The following LRFN5 variants were observed in gnomAD, a reference collection of about 807,000 sequenced individuals.
LRFN5 encodes leucine-rich repeat and fibronectin type-III domain-containing protein 5.
A neutral mutation model predicts 45.6 loss-of-function variants in LRFN5; 24 were observed. The observed-to-expected ratio is 0.53, with a 90% CI of 0.38 to 0.74. LRFN5 has a LOEUF of 0.74. Ranked by LOEUF, LRFN5 falls within the 30% of genes least tolerant of loss-of-function variation. LRFN5 has a pLI of 0.00. For synonymous variants in LRFN5, 340 were observed against 313.8 expected (o/e 1.08, Z -0.88); for missense variants, 776 against 861.5 (o/e 0.90, Z 1.24).
intron 2 of LRFN5, among the ~76,000 whole-genome samples, chr14:41,827,066 T>G (rs1888324365): frequency 6.6e-6 from 1 of 152,042 alleles, no homozygotes; most frequent in Non-Finnish European, 1.5e-5. Context: ...CCTTACCTAA[T>G]TCAAAAATCT....
chr14:41,841,243 T>G (rs1011059602), intron 2 of LRFN5, among the ~76,000 whole-genome samples: 2 of 151,936 alleles, frequency 1.3e-5, no homozygotes, highest in African/African-American at 4.8e-5. Flanking sequence ...GGACATTATC[T>G]GTTACTATCC....
At chr14:41,801,537 G>A (rs557211901) in intron 2 of LRFN5, among the ~76,000 whole-genome samples, 3 of 152,202 alleles carry the variant, frequency 2.0e-5, no homozygotes, top group Admixed American at 6.6e-5. Context: ...AGTTACTCTA[G>A]AGTAAAGATT....
chr14:41,631,122 C>T (rs1888518128), intron 1 of LRFN5, among the ~76,000 whole-genome samples: 1 of 152,172 alleles, frequency 6.6e-6, no homozygotes, highest in South Asian at 2.1e-4. Flanking sequence ...TAAACTCAAA[C>T]TTGCTCTCTG....
intron 2 of LRFN5, among the ~76,000 whole-genome samples, chr14:41,835,091 C>T (rs1207821623): frequency 6.6e-6 from 1 of 151,224 alleles, no homozygotes; most frequent in East Asian, 1.9e-4. Flanking sequence ...ATTATATATT[C>T]TTATTTCTTG....
intron 2 of LRFN5, among the ~76,000 whole-genome samples, chr14:41,843,854 T>G (rs998231231): frequency 6.6e-6 from 1 of 152,182 alleles, no homozygotes; most frequent in African/African-American, 2.4e-5. Context: ...TAAACACACA[T>G]GTTCATAAAC....
Position 41,904,337 on chromosome 14 carries a change from CT to C in LRFN5, c.*163del, listed in dbSNP as rs1327952082. 2.8e-5 allele frequency: 23 copies of C among 834,040 alleles called. No homozygotes were observed. The highest frequency in any genetic ancestry group is 4.4e-5 in the Non-Finnish European group (23 of 520,844). 51.7% of individuals were successfully genotyped at this position (834,040 alleles called of 1,614,324 possible). Reference sequence around the variant, plus strand: ...GTGAAAGTCTCTGATGACGGCGGAACTGGCTCCATTAGACCATGGTTCATCC... The same window carrying C: ...GTGAAAGTCTCTGATGACGGCGGAACGGCTCCATTAGACCATGGTTCATCC... On this transcript the variant is annotated 3_prime_UTR_variant, in exon 6 of 6. Transcript: ENST00000298119.
chr14:41,866,381 G>C (rs952358534), intron 2 of LRFN5, among the ~76,000 whole-genome samples: 3 of 152,094 alleles, frequency 2.0e-5, no homozygotes, highest in African/African-American at 7.2e-5. Context: ...CAGCTGAGGA[G>C]CAAGTCTAGG....
At chr14:41,708,400 A>C (rs1883151209) in intron 1 of LRFN5, among the ~76,000 whole-genome samples, 1 of 151,990 alleles carries the variant, frequency 6.6e-6, no homozygotes, top group Non-Finnish European at 1.5e-5. Flanking sequence ...TTGAGCATTC[A>C]TTGCTAAAGA....
rs1408052483 is a variant in LRFN5 at position 41,887,940 on chromosome 14, A to G, written c.1315A>G (p.Arg439Gly). Residue 439 changes from arginine to glycine, a missense_variant, in exon 3 of 6, where the codon AGA (arginine) becomes GGA (glycine). This residue lies in a region of LRFN5 where 465 missense variants were observed against 456.4 expected (regional missense o/e 1.02). Coordinates refer to ENST00000298119, the MANE Select transcript of LRFN5 (RefSeq NM_152447.5). This position sits in a 1 kb window ranked among gnomAD's most constrained non-coding sequence, Gnocchi z 4.8. ...STALLKFNFQ[R>G]NIPGIRMFQI... ...GGCACTACTTAAATTTAATTTTCAA[A>G]GAAATATCCCTGGAATACGTATGTT... 1 of 1,613,970 alleles carries G rather than the reference A, an allele frequency of 6.2e-7. No homozygotes were observed. Among genetic ancestry groups the G allele is most frequent in the Admixed American group, 1.7e-5 (1 of 60,022 alleles).
intron 2 of LRFN5, among the ~76,000 whole-genome samples, chr14:41,767,447 A>T (rs1885925862): frequency 6.6e-6 from 1 of 151,986 alleles, no homozygotes; most frequent in Non-Finnish European, 1.5e-5. Flanking sequence ...TTCTGAATTT[A>T]AAAAAAATAA....
intron 4 of LRFN5, chr14:41,893,757 T>G (rs2139166944): frequency 1.0e-6 from 1 of 985,334 alleles, no homozygotes; most frequent in South Asian, 4.7e-5. Context: ...GTCTTGAAAA[T>G]AATTATCCAA....
intron 1 of LRFN5, among the ~76,000 whole-genome samples, chr14:41,676,665 A>T (rs576475612): frequency 6.6e-6 from 1 of 152,344 alleles, no homozygotes; most frequent in African/African-American, 2.4e-5. Flanking sequence ...TTAGAGAAAG[A>T]TGTGGAACAG....
chr14:41,785,731 C>T (rs1209872984), intron 2 of LRFN5, among the ~76,000 whole-genome samples: 2 of 152,094 alleles, frequency 1.3e-5, no homozygotes, highest in Non-Finnish European at 2.9e-5. Context: ...TGTTTTCCTG[C>T]AACTGGACAG....
Position 41,856,672 on chromosome 14 carries a change from A to ATTATTATTTTTTTTTTTTTTTTTTT in LRFN5, c.-20-29929_-20-29928insATTTTTTTTTTTTTTTTTTTTTATT, listed in dbSNP as rs1555326971. On this transcript the variant is annotated intron_variant, in intron 2 of 5. Coordinates refer to ENST00000298119, the MANE Select transcript of LRFN5 (RefSeq NM_152447.5). The stretch of plus-strand genomic sequence containing the variant: ...TCTTTCTTTCCTAATTATTATTATT[A>ATTATTATTTTTTTTTTTTTTTTTTT]TTATTTTTTTTTTTTTTTTTTTGAG... Among the ~76,000 whole-genome samples, 12 of 5,984 alleles carry ATTATTATTTTTTTTTTTTTTTTTTT rather than the reference A, an allele frequency of 2.0e-3. 1 individual carries two copies. Among genetic ancestry groups the ATTATTATTTTTTTTTTTTTTTTTTT allele is most frequent in the African/African-American group, 3.4e-3 (12 of 3,542 alleles). The allele number at this position is 5,984 out of a possible 152,430, so 3.9% of individuals were successfully genotyped here.
intron 2 of LRFN5, among the ~76,000 whole-genome samples, chr14:41,852,045 T>TTA (rs1419790322): frequency 1.3e-5 from 2 of 151,896 alleles, no homozygotes; most frequent in Admixed American, 1.3e-4. Flanking sequence ...TTAGTTCACA[T>TTA]GGCATTTTCT....
At chr14:41,773,346 T>C (rs1886158019) in intron 2 of LRFN5, among the ~76,000 whole-genome samples, 1 of 152,182 alleles carries the variant, frequency 6.6e-6, no homozygotes, top group African/African-American at 2.4e-5. Context: ...CCAGATATGT[T>C]CTTTCTATTA....
chr14:41,674,289 T>C (rs866192305), intron 1 of LRFN5, among the ~76,000 whole-genome samples: 106 of 52,500 alleles, frequency 2.0e-3, no homozygotes, highest in Admixed American at 5.3e-3. Context: ...GGCAGAGGCG[T>C]CCCTCACCTC....
chr14:41,805,598 C>T (rs556206975), intron 2 of LRFN5, among the ~76,000 whole-genome samples: 104 of 147,346 alleles, frequency 7.1e-4, no homozygotes, highest in African/African-American at 2.5e-3. Context: ...TGTTCCCCTT[C>T]CTGTGTCCAT....
At chr14:41,784,799 T>C (rs181455150) in intron 2 of LRFN5, among the ~76,000 whole-genome samples, 12 of 152,240 alleles carry the variant, frequency 7.9e-5, no homozygotes, top group African/African-American at 2.9e-4. Context: ...CGGCTAATTT[T>C]TGTATTTTTA....
Sources: allele counts gnomAD v4.1 joint callset (sites outside exome capture counted in the v4.1 genomes callset), GRCh38; gene constraint gnomAD v4.1.1; regional missense constraint gnomAD v4.1.1; non-coding constraint Gnocchi (gnomAD v3.1); transcripts MANE v1.5; gene names NCBI Gene and HGNC (gene_info 2026-07-23, HGNC 2026-07-21).